Variants in SEMA6D observed in about 807,000 individuals in gnomAD.
SEMA6D encodes the protein semaphorin 6D, also known as semaphorin-6D.
SEMA6D carries 35 observed loss-of-function variants against 106.6 expected under a neutral mutation model. The observed-to-expected ratio is 0.33, with a 90% CI of 0.25 to 0.44. SEMA6D has a LOEUF of 0.44. Ranked by LOEUF, SEMA6D falls within the 20% of genes least tolerant of loss-of-function variation. The probability of loss-of-function intolerance (pLI) is 1.00; values close to 1 mark genes in which losing one functional copy is unlikely to be tolerated. For synonymous variants in SEMA6D, 499 were observed against 487.7 expected (o/e 1.02, Z -0.31); for missense variants, 1,185 against 1,345.9 (o/e 0.88, Z 1.87).
chr15:47,184,630 G>C (rs1230775433), intron 1 of SEMA6D, among the ~76,000 whole-genome samples: 1 of 152,084 alleles, frequency 6.6e-6, no homozygotes, highest in Non-Finnish European at 1.5e-5. Context: ...ATGGCCCGAG[G>C]CGGCGGCAGA....
chr15:47,751,550 T>A (rs2081435365), intron 1 of SEMA6D, among the ~76,000 whole-genome samples: 1 of 152,138 alleles, frequency 6.6e-6, no homozygotes, highest in Admixed American at 6.6e-5. Context: ...CAGGTCTAGT[T>A]CCACCCCCTC....
chr15:47,652,603 G>A (rs76874045), intron 4 of SEMA6D, among the ~76,000 whole-genome samples: 5,208 of 152,232 alleles, frequency 0.034, 293 homozygotes, highest in African/African-American at 0.12. Context: ...GAAAAGCCTT[G>A]GGGGCATTAT....
chr15:47,319,486 T>C (rs2036837093), intron 1 of SEMA6D, among the ~76,000 whole-genome samples: 1 of 152,130 alleles, frequency 6.6e-6, no homozygotes, highest in Non-Finnish European at 1.5e-5. Flanking sequence ...CTTTAATGAA[T>C]ACATTGGTCT....
At chr15:47,721,651 A>G (rs947692781) in intron 1 of SEMA6D, among the ~76,000 whole-genome samples, 18 of 152,188 alleles carry the variant, frequency 1.2e-4, no homozygotes, top group Admixed American at 7.8e-4. Context: ...AGCTGCTTGC[A>G]TTTCTCCCAA....
intron 3 of SEMA6D, among the ~76,000 whole-genome samples, chr15:47,531,564 G>T (rs908244324): frequency 6.6e-6 from 1 of 152,332 alleles, no homozygotes; most frequent in African/African-American, 2.4e-5. Flanking sequence ...TATTTGTGAT[G>T]ATCTCCTTTT....
intron 4 of SEMA6D, among the ~76,000 whole-genome samples, chr15:47,628,319 T>G (rs1340002043): frequency 6.6e-6 from 1 of 152,114 alleles, no homozygotes; most frequent in African/African-American, 2.4e-5. Context: ...TTTAGTTTTC[T>G]TTATAGAAAC....
intron 1 of SEMA6D, among the ~76,000 whole-genome samples, chr15:47,270,958 A>T (rs941538336): frequency 6.6e-6 from 1 of 152,188 alleles, no homozygotes; most frequent in Non-Finnish European, 1.5e-5. Context: ...AAAAAAATAT[A>T]GATATAACAA....
chr15:47,461,799 G>C (rs145310721), intron 2 of SEMA6D, among the ~76,000 whole-genome samples: 133 of 152,086 alleles, frequency 8.7e-4, no homozygotes, highest in African/African-American at 3.2e-3. Context: ...AAATTCATAA[G>C]ATTAGAACTT....
intron 2 of SEMA6D, among the ~76,000 whole-genome samples, chr15:47,417,411 ATATG>A (rs982275470): frequency 1.5e-4 from 17 of 112,290 alleles, no homozygotes; most frequent in African/African-American, 5.5e-4. Flanking sequence ...GTGTGTGTGT[ATATG>A]TGTGTGTGTG....
In SEMA6D at chr15:47,761,647, C is replaced by A; in HGVS notation, c.448-14C>A. Reference sequence around the variant, plus strand: ...GAATAGATATGACACTGGCTATTTACTTTTCTTTTGTAGTTGAGTACCTTA... The same window carrying A: ...GAATAGATATGACACTGGCTATTTAATTTTCTTTTGTAGTTGAGTACCTTA... On this transcript the variant is annotated splice_polypyrimidine_tract_variant and intron_variant, in intron 6 of 18. Coordinates refer to ENST00000536845, the MANE Select transcript of SEMA6D (RefSeq NM_001358351.3). The A allele has an allele frequency of 6.3e-7, 1 of 1,596,902 alleles. No homozygotes were observed. Among genetic ancestry groups the A allele is most frequent in the Non-Finnish European group, 8.6e-7 (1 of 1,168,958 alleles).
At chr15:47,516,902 G>A (rs1000559016) in intron 3 of SEMA6D, among the ~76,000 whole-genome samples, 1 of 152,152 alleles carries the variant, frequency 6.6e-6, no homozygotes, top group Non-Finnish European at 1.5e-5. Flanking sequence ...GTAAAAAGAA[G>A]AATTAATTTA....
intron 1 of SEMA6D, among the ~76,000 whole-genome samples, chr15:47,222,333 T>C (rs935935545): frequency 6.6e-6 from 1 of 152,204 alleles, no homozygotes; most frequent in Non-Finnish European, 1.5e-5. Flanking sequence ...GGTACAGGAC[T>C]TGTGCTTCTC....
At chr15:47,537,423 C>T (rs1316220079) in intron 3 of SEMA6D, among the ~76,000 whole-genome samples, 1 of 152,122 alleles carries the variant, frequency 6.6e-6, no homozygotes, top group African/African-American at 2.4e-5. Context: ...AGCAGTGCCT[C>T]CCTCTGCTTA....
Position 47,210,865 on chromosome 15 carries a change from G to A in SEMA6D, c.-239+26447G>A, listed in dbSNP as rs116364067. Among the ~76,000 whole-genome samples, 423 of 150,616 alleles carry A rather than the reference G, an allele frequency of 2.8e-3. 4 individuals carry two copies. Among genetic ancestry groups the A allele is most frequent in the African/African-American group, 1.0e-2 (409 of 41,070 alleles). The stretch of plus-strand genomic sequence containing the variant: ...CCTTTCATCGGTAATACTAAAAGTC[G>A]TTTAAACATAACACATACTATGGTT... On this transcript the variant is annotated intron_variant, in intron 1 of 19. Coordinates refer to the SEMA6D transcript ENST00000558014.
chr15:47,485,400 A>G (rs539176338), intron 3 of SEMA6D, among the ~76,000 whole-genome samples: 1 of 152,194 alleles, frequency 6.6e-6, no homozygotes, highest in South Asian at 2.1e-4. Flanking sequence ...GACCACAATT[A>G]GATAGAAACA....
chr15:47,657,719 C>CTTTTTTTTTTTTTTTTTTTTTTTTT lies in SEMA6D; in HGVS notation c.-55+56839_-55+56863dup, dbSNP rs71118191. ...CATTTAGTGACAGAGGGCTTCATTT[C>CTTTTTTTTTTTTTTTTTTTTTTTTT]TTTTTTTTTTTTTTTTTTTTTTTTT... On this transcript the variant is annotated intron_variant, in intron 4 of 19. Transcript: ENST00000558014. Among the ~76,000 whole-genome samples, 2 of 54,654 alleles carry CTTTTTTTTTTTTTTTTTTTTTTTTT rather than the reference C, an allele frequency of 3.7e-5. 1 individual carries two copies. Among genetic ancestry groups the CTTTTTTTTTTTTTTTTTTTTTTTTT allele is most frequent in the African/African-American group, 1.7e-4 (2 of 11,730 alleles). The allele number at this position is 54,654 out of a possible 152,430, so 35.9% of individuals were successfully genotyped here.
At chr15:47,349,197 A>G (rs1046718967) in intron 1 of SEMA6D, among the ~76,000 whole-genome samples, 1 of 152,090 alleles carries the variant, frequency 6.6e-6, no homozygotes, top group African/African-American at 2.4e-5. Context: ...GCAGAAGGGA[A>G]TCATGTTCAT....
chr15:47,216,252 GTATT>G (rs1185797737), intron 1 of SEMA6D, among the ~76,000 whole-genome samples: 1 of 152,104 alleles, frequency 6.6e-6, no homozygotes, highest in South Asian at 2.1e-4. Flanking sequence ...CATTATTAAA[GTATT>G]TATTTACTAA....
At chr15:47,499,667 G>T (rs2043782872) in intron 3 of SEMA6D, among the ~76,000 whole-genome samples, 2 of 152,060 alleles carry the variant, frequency 1.3e-5, no homozygotes, top group African/African-American at 2.4e-5. Flanking sequence ...GAAACTTGGG[G>T]TTCAACTTTA....
Sources: allele counts gnomAD v4.1 joint callset (sites outside exome capture counted in the v4.1 genomes callset), GRCh38; gene constraint gnomAD v4.1.1; transcripts MANE v1.5; gene names NCBI Gene and HGNC (gene_info 2026-07-23, HGNC 2026-07-21).